Variants in APBB2 observed in about 807,000 individuals in gnomAD.
APBB2 encodes the protein Fe65-like 1.
APBB2 carries 38 observed loss-of-function variants against 82.5 expected under a neutral mutation model. The observed-to-expected ratio is 0.46, with a 90% confidence interval of 0.36 to 0.60. The LOEUF is 0.60. Among genes scored for constraint, APBB2 ranks in the 20% least tolerant of loss-of-function variants. The pLI is 0.00. For synonymous variants in APBB2, 341 were observed against 368.2 expected, an observed-to-expected ratio of 0.93 and a Z score of 0.85; for missense variants, 772 against 972.3, an observed-to-expected ratio of 0.79 and a Z score of 2.74.
At chr4:40,916,787 A>T (rs1487544667) in intron 10 of APBB2, among the ~76,000 whole-genome samples, 1 of 152,216 alleles carries the variant, frequency 6.6e-6, no homozygotes, top group Non-Finnish European at 1.5e-5. Context: ...GAGGCAATGG[A>T]TTCCCAAAAT....
chr4:41,128,279 G>A (rs538015213), intron 2 of APBB2, among the ~76,000 whole-genome samples: 1 of 152,270 alleles, frequency 6.6e-6, no homozygotes, highest in South Asian at 2.1e-4. Flanking sequence ...AGATGCTGGT[G>A]AGGCTTTGGA....
chr4:41,148,644 G>A (rs1050965973), intron 1 of APBB2, among the ~76,000 whole-genome samples: 12 of 152,152 alleles, frequency 7.9e-5, no homozygotes, highest in African/African-American at 2.2e-4. Flanking sequence ...ACATGCAGGC[G>A]GCACCTAATC....
At chr4:40,856,436 A>G (rs1761207359) in intron 12 of APBB2, among the ~76,000 whole-genome samples, 1 of 152,260 alleles carries the variant, frequency 6.6e-6, no homozygotes. Flanking sequence ...CTGCGTTTCT[A>G]CATTTGGGGA....
chr4:41,077,038 T>C (rs1490563202), intron 3 of APBB2, among the ~76,000 whole-genome samples: 5 of 151,450 alleles, frequency 3.3e-5, no homozygotes, highest in Non-Finnish European at 5.9e-5. Context: ...ACAGTCTTGC[T>C]CTGTGGCCCA....
intron 1 of APBB2, among the ~76,000 whole-genome samples, chr4:41,194,466 T>C: frequency 2.0e-5 from 3 of 152,214 alleles, no homozygotes; most frequent in African/African-American, 7.2e-5. Flanking sequence ...GTGGACTGCT[T>C]GAGCCCAGGA....
Position 40,890,320 on chromosome 4 carries a change from G to C in APBB2, c.1529+44C>G, listed in dbSNP as rs779440237. On this transcript the variant is annotated intron_variant, in intron 12 of 17. Transcript: ENST00000508593. The stretch of plus-strand genomic sequence containing the variant: ...ATGCTTTGGTGTTCAGCTAGACCAG[G>C]GACACGGGTGAGGTGACCCAGACTG... 8.2e-5 allele frequency: 130 copies of C among 1,587,820 alleles called. No individual in the cohort carries two copies. The East Asian group carries it at 2.9e-3, about 36-fold the overall frequency.
At chr4:41,091,118 G>A (rs1173658110) in intron 3 of APBB2, among the ~76,000 whole-genome samples, 1 of 152,098 alleles carries the variant, frequency 6.6e-6, no homozygotes, top group Non-Finnish European at 1.5e-5. Flanking sequence ...CATCTATGAG[G>A]TTCCTCTCCC....
chr4:40,869,422 T>C (rs1183554856), intron 12 of APBB2, among the ~76,000 whole-genome samples: 1 of 151,066 alleles, frequency 6.6e-6, no homozygotes, highest in Non-Finnish European at 1.5e-5. Context: ...CCCATCAATA[T>C]GATTTTTTTT....
At chr4:40,983,711 G>T (rs1799693702) in intron 6 of APBB2, among the ~76,000 whole-genome samples, 2 of 152,092 alleles carry the variant, frequency 1.3e-5, no homozygotes, top group Admixed American at 6.5e-5. Flanking sequence ...CTGGCTAGCT[G>T]TGACTACAGG....
At chr4:40,871,018 ATG>A (rs1315210653) in intron 12 of APBB2, among the ~76,000 whole-genome samples, 1 of 129,842 alleles carries the variant, frequency 7.7e-6, no homozygotes, top group Non-Finnish European at 1.7e-5. Context: ...ATATATATAT[ATG>A]TGTAAGTGTC....
At chr4:41,041,233 A>G (rs552707259) in intron 4 of APBB2, among the ~76,000 whole-genome samples, 2 of 152,318 alleles carry the variant, frequency 1.3e-5, no homozygotes, top group East Asian at 3.9e-4. Context: ...TCAGAAAATA[A>G]AGCAAAATTC....
rs1404685723 is a variant in APBB2, at chr4:40,812,681, C to T, written c.*3411G>A. On this transcript the variant is annotated 3_prime_UTR_variant, in exon 18 of 18. Coordinates refer to ENST00000508593, the MANE Select transcript of APBB2 (RefSeq NM_004307.2). ...AACGGGCCATACAAACAGAGGAAAG[C>T]TCTGGGGCTTCCAGGCAATGGCCTT... 2.6e-5 allele frequency: 4 copies of T among 152,222 alleles called. No individual in the cohort carries two copies. The highest frequency in any genetic ancestry group is 9.6e-5 in the African/African-American group (4 of 41,452). 9.4% of individuals were successfully genotyped at this position (152,222 alleles called of 1,614,324 possible). A position where few individuals can be genotyped will look rare whatever the true frequency, so the allele number is the denominator to read the frequency against.
At chr4:40,859,709 C>T (rs1052201488) in intron 12 of APBB2, among the ~76,000 whole-genome samples, 9 of 152,232 alleles carry the variant, frequency 5.9e-5, no homozygotes, top group Non-Finnish European at 1.2e-4. Context: ...AGTCTATAAT[C>T]GCTTTCAGGG....
At chr4:41,067,132 G>C (rs565359422) in intron 3 of APBB2, among the ~76,000 whole-genome samples, 4 of 152,204 alleles carry the variant, frequency 2.6e-5, no homozygotes, top group Non-Finnish European at 5.9e-5. Context: ...TAGAAACTGA[G>C]GCATCAGTGG....
At chr4:40,961,044 T>C (rs1793053021) in intron 6 of APBB2, among the ~76,000 whole-genome samples, 1 of 151,768 alleles carries the variant, frequency 6.6e-6, no homozygotes, top group African/African-American at 2.4e-5. Flanking sequence ...GGACATAGCC[T>C]AGGGACAGCA....
At position 40,879,686 on chromosome 4, in the gene APBB2, T is replaced by A. The variant is rs1767883827; in HGVS notation, c.1529+10678A>T. 2.0e-5 allele frequency among the ~76,000 whole-genome samples: 3 copies of A among 152,134 alleles called. No homozygotes were observed. In the South Asian group the frequency reaches 6.2e-4, roughly 32 times the overall value. On this transcript the variant is annotated intron_variant, in intron 12 of 17. Coordinates refer to ENST00000508593, the MANE Select transcript of APBB2 (RefSeq NM_004307.2). ...GTTACGGTTGACCCAGGACAATATT[T>A]TTTTTCTTTCTTTTTTTTTTTTTGA...
At chr4:41,087,238 T>C (rs1293910848) in intron 3 of APBB2, among the ~76,000 whole-genome samples, 1 of 152,224 alleles carries the variant, frequency 6.6e-6, no homozygotes, top group African/African-American at 2.4e-5. Context: ...TCATCTATAC[T>C]ACTTAAAGCA....
At chr4:40,907,794 G>A (rs960316468) in intron 10 of APBB2, among the ~76,000 whole-genome samples, 1 of 150,944 alleles carries the variant, frequency 6.6e-6, no homozygotes, top group African/African-American at 2.4e-5. Context: ...GAGTAGACGG[G>A]ACTACAAGTG....
chr4:40,850,168 A>G (rs1463949938), intron 12 of APBB2, among the ~76,000 whole-genome samples: 2 of 152,178 alleles, frequency 1.3e-5, no homozygotes, highest in African/African-American at 2.4e-5. Flanking sequence ...TAAGACACGG[A>G]GTCTTAGATG....
Sources: allele counts gnomAD v4.1 joint callset (sites outside exome capture counted in the v4.1 genomes callset), GRCh38; gene constraint gnomAD v4.1.1; transcripts MANE v1.5; gene names NCBI Gene and HGNC (gene_info 2026-07-23, HGNC 2026-07-21).